The following CHRNB3 variants were observed in gnomAD, a reference collection of about 807,000 sequenced individuals.
CHRNB3 encodes cholinergic receptor nicotinic beta 3 subunit, also known as neuronal acetylcholine receptor subunit beta-3.
In CHRNB3, 37 loss-of-function variants were observed where a neutral mutation model predicts 40.6. The ratio of observed to expected loss-of-function variants is 0.91; its 90% CI spans 0.70 to 1.20. CHRNB3 has a LOEUF of 1.20. Ranked by LOEUF, CHRNB3 falls within the 50% of genes most tolerant of loss-of-function variation. CHRNB3 has a pLI of 0.00. For synonymous variants in CHRNB3, 207 were observed against 207.1 expected, an observed-to-expected ratio of 1.00 and a Z score of 0.00; for missense variants, 505 against 551.2, an observed-to-expected ratio of 0.92 and a Z score of 0.84.
chr8:42,722,710 C>G (rs930700521), intron 3 of CHRNB3, among the ~76,000 whole-genome samples: 1 of 152,118 alleles, frequency 6.6e-6, no homozygotes, highest in East Asian at 1.9e-4. Flanking sequence ...CACAGACACA[C>G]AACTACACCC....
intron 3 of CHRNB3, among the ~76,000 whole-genome samples, chr8:42,728,561 A>C (rs1055146061): frequency 6.6e-6 from 1 of 152,104 alleles, no homozygotes; most frequent in Non-Finnish European, 1.5e-5. Flanking sequence ...CAAAAAACAA[A>C]CATGAAGAAT....
chr8:42,724,122 C>T lies in CHRNB3; in HGVS notation c.250-6472C>T, dbSNP rs544337757. Among the ~76,000 whole-genome samples the T allele has an allele frequency of 1.8e-4, 27 of 151,576 alleles. 1 individual carries two copies. In the South Asian group the frequency reaches 4.0e-3, roughly 22 times the overall value. ...AAAAAGAAAAGAAACCTAGGCTGGG[C>T]GCAGTGGCTCATGCCTGTAATCCCA... On this transcript the variant is annotated intron_variant, in intron 3 of 5. Coordinates refer to ENST00000289957, the MANE Select transcript of CHRNB3 (RefSeq NM_000749.5).
At chr8:42,705,252 C>A (rs1815902142) in intron 1 of CHRNB3, among the ~76,000 whole-genome samples, 1 of 152,198 alleles carries the variant, frequency 6.6e-6, no homozygotes, top group Admixed American at 6.5e-5. Flanking sequence ...CACCATGCAA[C>A]CCTGAATAAA....
At chr8:42,700,074 C>T (rs1478713106) in intron 1 of CHRNB3, among the ~76,000 whole-genome samples, 2 of 150,892 alleles carry the variant, frequency 1.3e-5, no homozygotes, top group African/African-American at 4.9e-5. Flanking sequence ...AGTACAGTGG[C>T]GCGATCTCTG....
At chr8:42,729,365 A>C (rs868323574) in intron 3 of CHRNB3, among the ~76,000 whole-genome samples, 2 of 151,800 alleles carry the variant, frequency 1.3e-5, no homozygotes, top group Non-Finnish European at 2.9e-5. Context: ...AGCCGAGATC[A>C]CACCACTGCA....
chr8:42,730,449 C>A, intron 3 of CHRNB3, 145 bp from the exon 4 acceptor site: 1 of 516,396 alleles, frequency 1.9e-6, no homozygotes, highest in East Asian at 3.2e-5. Context: ...GTACTGAGTC[C>A]CCAGTAGGGT....
At chr8:42,703,443 T>A (rs1473874415) in intron 1 of CHRNB3, among the ~76,000 whole-genome samples, 875 of 14,186 alleles carry the variant, frequency 0.062, 94 homozygotes, top group South Asian at 0.15. Flanking sequence ...AAAATATTTA[T>A]ATATATATAT....
At chr8:42,704,809 G>C (rs568870539) in intron 1 of CHRNB3, among the ~76,000 whole-genome samples, 98 of 152,296 alleles carry the variant, frequency 6.4e-4, no homozygotes, top group African/African-American at 2.2e-3. Flanking sequence ...TGGCTGACCT[G>C]GGACTCAGGG....
At chr8:42,720,836 T>C (rs72644012) in intron 3 of CHRNB3, among the ~76,000 whole-genome samples, 5 of 152,246 alleles carry the variant, frequency 3.3e-5, no homozygotes, top group African/African-American at 1.2e-4. Context: ...TGCTGCAGTT[T>C]TGCAATTTGC....
chr8:42,708,668 G>A (rs375294781), intron 1 of CHRNB3, 49 bp from the exon 2 acceptor site: 34 of 1,593,478 alleles, frequency 2.1e-5, no homozygotes, highest in Non-Finnish European at 2.8e-5. Flanking sequence ...ACTCATCCAG[G>A]CATCGTGCCC....
At chr8:42,717,609 AC>A (rs1816139325) in intron 3 of CHRNB3, among the ~76,000 whole-genome samples, 1 of 151,380 alleles carries the variant, frequency 6.6e-6, no homozygotes, top group African/African-American at 2.4e-5. Flanking sequence ...ACTCAAGTGG[AC>A]CCTGGTAAGA....
rs1296315067 is a variant in CHRNB3 at position 42,734,420 on chromosome 8, A to AT, written c.1242+1888dup. On this transcript the variant is annotated intron_variant, in intron 5 of 5. Coordinates refer to ENST00000289957, the MANE Select transcript of CHRNB3 (RefSeq NM_000749.5). ...ATCCCGTAAACAAACTGATGAAAGA[A>AT]TTTTTTTTTTTTTTTTTGAGATGGA... 7.6e-3 allele frequency among the ~76,000 whole-genome samples: 1,052 copies of AT among 138,656 alleles called. 3 individuals carry two copies. The highest frequency in any genetic ancestry group is 9.9e-3 in the Non-Finnish European group (630 of 63,608). The allele number at this position is 138,656 out of a possible 152,430, so 91.0% of individuals were successfully genotyped here. A position where few individuals can be genotyped will look rare whatever the true frequency, so the allele number is the denominator to read the frequency against.
chr8:42,725,493 C>T (rs2128907874), intron 3 of CHRNB3: 2 of 678,716 alleles, frequency 2.9e-6, no homozygotes, highest in Non-Finnish European at 5.3e-6. Context: ...AATACAAAAA[C>T]ACATGCTTCC....
intron 1 of CHRNB3, among the ~76,000 whole-genome samples, chr8:42,702,905 A>C (rs890081576): frequency 6.6e-6 from 1 of 152,186 alleles, no homozygotes; most frequent in African/African-American, 2.4e-5. Context: ...GAATTTTTGC[A>C]ATAAGGGAAG....
Position 42,708,879 on chromosome 8 carries a change from CT to C in CHRNB3, c.204+13del. On this transcript the variant is annotated intron_variant, in intron 2 of 5. Transcript: ENST00000289957. The stretch of plus-strand genomic sequence containing the variant: ...CAGCTTGTAGATGTGGTGAGTAATC[CT>C]TGGCACTTGGCTAAAAAGAACATGC... 6.2e-7 allele frequency: 1 copy of C among 1,605,656 alleles called. No individual in the cohort carries two copies. The highest frequency in any genetic ancestry group is 8.5e-7 in the Non-Finnish European group (1 of 1,175,900).
At chr8:42,703,439 T>TA (rs1554589393) in intron 1 of CHRNB3, among the ~76,000 whole-genome samples, 4 of 21,566 alleles carry the variant, frequency 1.9e-4, no homozygotes, top group Admixed American at 8.1e-4. Context: ...AAAAAAAATA[T>TA]TTATATATAT....
At position 42,732,105 on chromosome 8, in the gene CHRNB3, A is replaced by T; in HGVS notation, c.798A>T (p.Ser266=). 6.2e-7 allele frequency: 1 copy of T among 1,614,034 alleles called. No homozygotes were observed. The change falls in exon 5 of 6, where the codon TCA becomes TCT. Residue 266 remains serine (S), a synonymous_variant. Coordinates refer to ENST00000289957, the MANE Select transcript of CHRNB3 (RefSeq NM_000749.5). The part of the protein sequence containing the change: ...YLPSDEGEKL[S]LSTSVLVSLT... ...CTTCGGATGAAGGAGAAAAACTTTC[A>T]TTATCCACATCGGTCTTGGTTTCTC...
Position 42,731,797 on chromosome 8 carries a change from C to G in CHRNB3, c.490C>G (p.Arg164Gly). The change falls in exon 5 of 6, where the codon CGA (arginine) becomes GGA (glycine). Residue 164 changes from arginine (R) to glycine (G), a missense_variant. Arg to Gly is a moderately radical substitution (Grantham distance 125, BLOSUM62 -2). Transcript: ENST00000289957. ...GGACGTCACGTTTTTCCCGTTCGAC[C>G]GACAGAACTGCTCCATGAAGTTTGG... ...TMDVTFFPFDRQNCSMKFGSW... is the reference protein window; with the variant it reads ...TMDVTFFPFDGQNCSMKFGSW... 3 of 1,614,020 alleles carry G rather than the reference C, an allele frequency of 1.9e-6. No homozygotes were observed. Among genetic ancestry groups the G allele is most frequent in the Non-Finnish European group, 2.5e-6 (3 of 1,180,008 alleles).
chr8:42,733,843 C>T (rs1341599465), intron 5 of CHRNB3, among the ~76,000 whole-genome samples: 1 of 151,392 alleles, frequency 6.6e-6, no homozygotes, highest in Non-Finnish European at 1.5e-5. Context: ...TGATCCACTG[C>T]CTCAGCCTCC....
Sources: allele counts gnomAD v4.1 joint callset (sites outside exome capture counted in the v4.1 genomes callset), GRCh38; gene constraint gnomAD v4.1.1; transcripts MANE v1.5; gene names NCBI Gene and HGNC (gene_info 2026-07-23, HGNC 2026-07-21).